The following CPAMD8 variants were observed in gnomAD, a reference collection of about 807,000 sequenced individuals.
CPAMD8 encodes C3 and PZP-like alpha-2-macroglobulin domain-containing protein 8.
In CPAMD8, 146 loss-of-function variants were observed where a neutral mutation model predicts 224.7. That is an observed-to-expected ratio of 0.65 (90% CI 0.57 to 0.75). CPAMD8 has a LOEUF of 0.75. Ranked by LOEUF, CPAMD8 falls within the 30% of genes least tolerant of loss-of-function variation. CPAMD8 has a pLI of 0.00. For missense variants in CPAMD8, 2,301 were observed against 2,537.5 expected, an observed-to-expected ratio of 0.91 and a Z score of 2.00; for synonymous variants, 966 against 1,044.6, an observed-to-expected ratio of 0.92 and a Z score of 1.45.
chr19:17,009,146 G>A (rs2056578964), intron 6 of CPAMD8, 157 bp downstream of exon 6: 2 of 1,182,160 alleles, frequency 1.7e-6, no homozygotes, highest in Non-Finnish European at 2.4e-6. Context: ...TCCCAGGGCG[G>A]ACCCAGGGAC....
chr19:16,952,234 C>G (rs1193107269), intron 19 of CPAMD8, 34 bp from the exon 20 acceptor site: 1 of 1,260,390 alleles, frequency 7.9e-7, no homozygotes, highest in Non-Finnish European at 1.1e-6. Context: ...ATGGGGGGCC[C>G]TTCTCCAGGG....
chr19:16,948,720 C>T (rs974953051), intron 20 of CPAMD8, among the ~76,000 whole-genome samples: 31 of 144,520 alleles, frequency 2.1e-4, no homozygotes, highest in East Asian at 2.0e-4. Flanking sequence ...GGCAACAGAG[C>T]GAGACTCCAT....
Position 16,902,803 on chromosome 19 carries a change from T to C in CPAMD8, c.4531A>G (p.Ser1511Gly), listed in dbSNP as rs2052315816. 4.4e-6 allele frequency: 7 copies of C among 1,575,230 alleles called. No individual in the cohort carries two copies. The highest frequency in any genetic ancestry group is 4.3e-6 in the Non-Finnish European group (5 of 1,157,150). Reference sequence around the variant, plus strand: ...CCCTGGGCCTCAGGCTCCTGGAGGCTTACGAGCAGCTGGAAAGCTGGCTTG... The same window carrying C: ...CCCTGGGCCTCAGGCTCCTGGAGGCCTACGAGCAGCTGGAAAGCTGGCTTG... Reference protein sequence around the residue: ...VAKPAFQLLVSLQEPEAQGRP... With the variant: ...VAKPAFQLLVGLQEPEAQGRP... The change falls in exon 35 of 42, where the codon AGC (serine) becomes GGC (glycine). Residue 1511 changes from serine to glycine, a missense_variant. Transcript: ENST00000443236.
intron 8 of CPAMD8, among the ~76,000 whole-genome samples, chr19:17,003,841 C>T (rs751260009): frequency 2.1e-4 from 32 of 151,360 alleles, no homozygotes; most frequent in Admixed American, 9.2e-4. Flanking sequence ...CCATCATGAG[C>T]CCTCAGTAAA....
intron 3 of CPAMD8, among the ~76,000 whole-genome samples, chr19:17,017,614 C>T (rs149304886): frequency 3.3e-5 from 5 of 152,314 alleles, no homozygotes; most frequent in East Asian, 3.9e-4. Flanking sequence ...CACCTGGCAC[C>T]GCCCAGCCCC....
intron 3 of CPAMD8, among the ~76,000 whole-genome samples, chr19:17,015,529 C>G (rs1038089081): frequency 4.3e-4 from 65 of 152,298 alleles, no homozygotes; most frequent in African/African-American, 1.6e-3. Flanking sequence ...CCTGTCTGCT[C>G]TGAACAGCCT....
intron 4 of CPAMD8, 24 bp downstream of exon 4, chr19:17,011,568 C>A (rs746927606): frequency 6.2e-7 from 1 of 1,614,192 alleles, no homozygotes; most frequent in African/African-American, 1.3e-5. Flanking sequence ...GCCGGCCCTC[C>A]CTGCATCCAT....
chr19:16,950,706 T>C (rs938231443), intron 20 of CPAMD8, among the ~76,000 whole-genome samples: 4 of 150,358 alleles, frequency 2.7e-5, no homozygotes, highest in East Asian at 2.0e-4. Context: ...GGAGGGGGGA[T>C]TGCTTGAGCC....
chr19:17,021,091 A>C (rs1427081202), intron 2 of CPAMD8, among the ~76,000 whole-genome samples: 1 of 152,228 alleles, frequency 6.6e-6, no homozygotes, highest in Non-Finnish European at 1.5e-5. Context: ...AGGGTTGAGC[A>C]CATGAACCAA....
chr19:16,986,161 G>GC (rs1430956223), intron 13 of CPAMD8, among the ~76,000 whole-genome samples: 18 of 152,020 alleles, frequency 1.2e-4, no homozygotes, highest in Non-Finnish European at 1.9e-4. Context: ...GGGGAGTGGA[G>GC]CCCCCCAGTT....
intron 16 of CPAMD8, among the ~76,000 whole-genome samples, 154 bp downstream of exon 16, chr19:16,975,848 C>T (rs1372385283): frequency 6.6e-6 from 1 of 152,136 alleles, no homozygotes; most frequent in Non-Finnish European, 1.5e-5. Context: ...TATCAGACAC[C>T]CATTAGGTTC....
At chr19:16,905,569 G>GAAAAAAAAAAAAAAAAAAAAAAAA (rs397955787) in intron 30 of CPAMD8, among the ~76,000 whole-genome samples, 1 of 92,702 alleles carries the variant, frequency 1.1e-5, no homozygotes, top group Non-Finnish European at 2.1e-5. Flanking sequence ...AGGAAGAAAA[G>GAAAAAAAAAAAAAAAAAAAAAAAA]AAAAAAAAAA....
intron 11 of CPAMD8, 58 bp downstream of exon 11, chr19:16,997,053 T>C (rs1480993652): frequency 2.9e-6 from 3 of 1,039,896 alleles, no homozygotes; most frequent in East Asian, 2.4e-5. Context: ...TAGTGGCTAG[T>C]GGTGGTGGTT....
At chr19:16,985,877 G>A (rs2055703503) in intron 13 of CPAMD8, among the ~76,000 whole-genome samples, 1 of 151,914 alleles carries the variant, frequency 6.6e-6, no homozygotes, top group African/African-American at 2.4e-5. Context: ...AAGGATATAG[G>A]CAAAGCATTA....
chr19:16,970,051 A>C (rs530732105), intron 18 of CPAMD8, among the ~76,000 whole-genome samples: 5 of 149,378 alleles, frequency 3.3e-5, no homozygotes, highest in African/African-American at 9.9e-5. Flanking sequence ...TGGCTAACAC[A>C]GTGAAACCCC....
At chr19:16,915,749 C>A (rs1209285535) in intron 27 of CPAMD8, among the ~76,000 whole-genome samples, 1 of 152,144 alleles carries the variant, frequency 6.6e-6, no homozygotes, top group Non-Finnish European at 1.5e-5. Flanking sequence ...AAGCTGTCTT[C>A]AAAATCAAGT....
chr19:16,967,733 C>A (rs191173737), intron 18 of CPAMD8, among the ~76,000 whole-genome samples: 3 of 151,224 alleles, frequency 2.0e-5, no homozygotes, highest in Non-Finnish European at 4.4e-5. Flanking sequence ...GGCATGAAAC[C>A]GGTAGGCAGA....
At chr19:17,012,014 A>G (rs1331285123) in intron 3 of CPAMD8, among the ~76,000 whole-genome samples, 1 of 152,056 alleles carries the variant, frequency 6.6e-6, no homozygotes, top group Non-Finnish European at 1.5e-5. Flanking sequence ...CCCTTGGCAA[A>G]CTGCCCCAAA....
At chr19:16,929,891 A>G (rs1368792351) in intron 23 of CPAMD8, among the ~76,000 whole-genome samples, 1 of 152,152 alleles carries the variant, frequency 6.6e-6, no homozygotes, top group African/African-American at 2.4e-5. Flanking sequence ...TACAGATTCA[A>G]AGCAATCCCA....
Sources: allele counts gnomAD v4.1 joint callset (sites outside exome capture counted in the v4.1 genomes callset), GRCh38; gene constraint gnomAD v4.1.1; transcripts MANE v1.5; gene names NCBI Gene and HGNC (gene_info 2026-07-23, HGNC 2026-07-21).